The following AKAP6 variants were observed in gnomAD, a reference collection of about 807,000 sequenced individuals.
The protein encoded by AKAP6 is A-kinase anchoring protein 6, also known as A-kinase anchor protein 6.
Under a neutral mutation model 188.5 loss-of-function variants are expected in AKAP6, and 58 were observed. That is an observed-to-expected ratio of 0.31 (90% confidence interval 0.25 to 0.38). The LOEUF is 0.38. AKAP6 is among the 10% of genes least tolerant of loss of function. AKAP6 has a pLI of 1.00. For missense variants in AKAP6, 2,710 were observed against 2,740.0 expected, an observed-to-expected ratio of 0.99 and a Z score of 0.24; for synonymous variants, 989 against 998.6, an observed-to-expected ratio of 0.99 and a Z score of 0.18.
At chr14:32,337,324 G>T (rs1340949190) in intron 1 of AKAP6, among the ~76,000 whole-genome samples, 1 of 152,160 alleles carries the variant, frequency 6.6e-6, no homozygotes. Context: ...ACTGAAGGAT[G>T]CACATTTCTT....
At chr14:32,750,548 C>T (rs1366422372) in intron 11 of AKAP6, among the ~76,000 whole-genome samples, 1 of 151,170 alleles carries the variant, frequency 6.6e-6, no homozygotes, top group African/African-American at 2.4e-5. Flanking sequence ...ATAGTAAGAC[C>T]CCATCTCTAC....
rs1883215355 is a variant in AKAP6, at chr14:32,546,704, A to G, written c.2051A>G (p.Tyr684Cys). The change falls in exon 4 of 14, where the codon TAT becomes TGT. Residue 684 changes from tyrosine (Y) to cysteine (C), a missense_variant. Around this residue, in one of 2 missense-constraint regions of AKAP6, gnomAD observed 2,473 missense variants for 2,426.1 expected, o/e 1.02. Transcript: ENST00000280979. The stretch of plus-strand genomic sequence containing the variant: ...TCAGATTCTGAAATCTATCCAACCT[A>G]TCATGTCAAAAAGAAGCATACAAGG... ...MNSDSEIYPT[Y>C]HVKKKHTRLG... The G allele has an allele frequency of 3.1e-6, 5 of 1,614,142 alleles. No individual in the cohort carries two copies. In the African/African-American group the frequency reaches 4.0e-5, roughly 13 times the overall value.
intron 9 of AKAP6, among the ~76,000 whole-genome samples, chr14:32,723,819 T>G (rs2030698274): frequency 6.6e-6 from 1 of 152,220 alleles, no homozygotes; most frequent in African/African-American, 2.4e-5. Context: ...AGTTCTCTTT[T>G]TTATGACAGT....
chr14:32,785,659 TG>T (rs2033378674), intron 12 of AKAP6, among the ~76,000 whole-genome samples: 2 of 152,264 alleles, frequency 1.3e-5, no homozygotes, highest in South Asian at 4.1e-4. Context: ...GCTCTTTGAG[TG>T]TTGGTTGGAA....
intron 7 of AKAP6, among the ~76,000 whole-genome samples, chr14:32,677,260 C>T (rs576602844): frequency 4.6e-5 from 7 of 152,290 alleles, no homozygotes; most frequent in African/African-American, 1.7e-4. Context: ...GGCAAAAGGC[C>T]TTGGTCAGCT....
At chr14:32,631,432 A>G (rs539346208) in intron 7 of AKAP6, among the ~76,000 whole-genome samples, 65 of 152,186 alleles carry the variant, frequency 4.3e-4, no homozygotes, top group Non-Finnish European at 7.4e-4. Flanking sequence ...TAATTTTTTA[A>G]GGCTGAGATT....
At chr14:32,605,284 G>C (rs1000730009) in intron 7 of AKAP6, among the ~76,000 whole-genome samples, 2 of 152,060 alleles carry the variant, frequency 1.3e-5, no homozygotes, top group East Asian at 3.9e-4. Flanking sequence ...CAATTTACAG[G>C]GAGGCATTCT....
intron 1 of AKAP6, among the ~76,000 whole-genome samples, chr14:32,410,093 C>T (rs1889432017): frequency 6.6e-6 from 1 of 152,168 alleles, no homozygotes; most frequent in Non-Finnish European, 1.5e-5. Flanking sequence ...TGAAACTGCC[C>T]TGCAAAGTCA....
chr14:32,453,157 T>C (rs545647672), intron 2 of AKAP6, among the ~76,000 whole-genome samples: 1 of 152,322 alleles, frequency 6.6e-6, no homozygotes, highest in East Asian at 1.9e-4. Flanking sequence ...TTCAAGGACA[T>C]TTAGAGAAGT....
At chr14:32,390,786 G>A (rs1024971373) in intron 1 of AKAP6, among the ~76,000 whole-genome samples, 15 of 152,076 alleles carry the variant, frequency 9.9e-5, no homozygotes, top group Admixed American at 6.6e-5. Context: ...TTGCCTTCAG[G>A]GGGTATGTGG....
intron 11 of AKAP6, among the ~76,000 whole-genome samples, chr14:32,737,074 A>G (rs1423393744): frequency 1.3e-5 from 2 of 152,118 alleles, no homozygotes; most frequent in Non-Finnish European, 2.9e-5. Flanking sequence ...TACTTGACCC[A>G]TCCTAACCTC....
At chr14:32,472,217 A>G (rs895506698) in intron 2 of AKAP6, among the ~76,000 whole-genome samples, 6 of 152,166 alleles carry the variant, frequency 3.9e-5, no homozygotes, top group African/African-American at 1.4e-4. Context: ...CTTTTCCCCC[A>G]GGCTTTATAC....
chr14:32,778,230 A>G (rs1361799722), intron 12 of AKAP6, among the ~76,000 whole-genome samples: 1 of 152,228 alleles, frequency 6.6e-6, no homozygotes, highest in African/African-American at 2.4e-5. Context: ...TCAGATGGAA[A>G]CCTGGATAAG....
chr14:32,352,989 C>T (rs1044606105), intron 1 of AKAP6, among the ~76,000 whole-genome samples: 3 of 152,138 alleles, frequency 2.0e-5, no homozygotes, highest in Admixed American at 6.5e-5. Context: ...TCCATAACAG[C>T]TGTACTAATT....
chr14:32,523,147 G>T (rs544035049), intron 2 of AKAP6, among the ~76,000 whole-genome samples: 1 of 150,964 alleles, frequency 6.6e-6, no homozygotes, highest in African/African-American at 2.4e-5. Flanking sequence ...TGGACACAGG[G>T]TGGGGAACAT....
chr14:32,547,355 A>G (rs1378206403), intron 4 of AKAP6, among the ~76,000 whole-genome samples: 1 of 152,234 alleles, frequency 6.6e-6, no homozygotes, highest in African/African-American at 2.4e-5. Context: ...GAATATATGC[A>G]TAGACTATTC....
chr14:32,746,149 G>T (rs1213784161), intron 11 of AKAP6, among the ~76,000 whole-genome samples: 1 of 152,114 alleles, frequency 6.6e-6, no homozygotes. Flanking sequence ...GAGCCCACTT[G>T]TTACTCTACC....
At chr14:32,662,435 A>G (rs781630606) in intron 7 of AKAP6, among the ~76,000 whole-genome samples, 1 of 152,142 alleles carries the variant, frequency 6.6e-6, no homozygotes, top group Non-Finnish European at 1.5e-5. Flanking sequence ...AGCAGTTGTT[A>G]AATACCAATC....
chr14:32,818,406 T>C (rs1394401182), intron 12 of AKAP6, among the ~76,000 whole-genome samples: 1 of 151,936 alleles, frequency 6.6e-6, no homozygotes, highest in African/African-American at 2.4e-5. Context: ...TATTTGCATA[T>C]AACCTACAGT....
Sources: gnomAD v4.1 joint callset for allele counts (sites outside exome capture counted in the v4.1 genomes callset) on GRCh38, gnomAD v4.1.1 for gene constraint, gnomAD v4.1.1 regional missense constraint, MANE v1.5 for transcripts, NCBI Gene and HGNC (gene_info 2026-07-23, HGNC 2026-07-21) for gene names.